INIP: variants seen among roughly 807,000 people sequenced by gnomAD.
The protein encoded by INIP is INTS3 and NABP interacting protein, also known as SOSS complex subunit C.
Under a neutral mutation model 14.0 loss-of-function variants are expected in INIP, and 9 were observed. That is an observed-to-expected ratio of 0.64 (90% CI 0.39 to 1.12). INIP has a LOEUF of 1.12. Ranked by LOEUF, INIP falls within the 50% of genes most tolerant of loss-of-function variation. The probability of loss-of-function intolerance (pLI) is 0.01; values close to 1 mark genes in which losing one functional copy is unlikely to be tolerated. For synonymous variants in INIP, 37 were observed against 41.5 expected (o/e 0.89, Z 0.41); for missense variants, 78 against 122.7 (o/e 0.64, Z 1.72).
chr9:112,717,541 G>A (rs78915790), intron 1 of INIP, among the ~76,000 whole-genome samples: 1 of 150,158 alleles, frequency 6.7e-6, no homozygotes, highest in Non-Finnish European at 1.5e-5. Context: ...AAAAAAAAAA[G>A]CTTAACAAAC....
chr9:112,687,668 T>TA, intron 4 of INIP, 35 bp from the exon 5 acceptor site: 1 of 1,246,980 alleles, frequency 8.0e-7, no homozygotes, highest in Non-Finnish European at 1.1e-6. Flanking sequence ...GCAATTAAGC[T>TA]ATTAAATAGA....
chr9:112,704,546 T>C (rs1344556194), intron 2 of INIP, among the ~76,000 whole-genome samples: 1 of 152,166 alleles, frequency 6.6e-6, no homozygotes, highest in Non-Finnish European at 1.5e-5. Flanking sequence ...GCAGGTAACA[T>C]TCAATTATAG....
intron 3 of INIP, among the ~76,000 whole-genome samples, chr9:112,692,986 GCCACT>G (rs1453130488): frequency 7.0e-6 from 1 of 143,830 alleles, no homozygotes; most frequent in African/African-American, 2.6e-5. Context: ...TTATGATTGT[GCCACT>G]CCACTCCACT....
At chr9:112,706,207 A>G (rs1170452179) in intron 2 of INIP, among the ~76,000 whole-genome samples, 1 of 152,228 alleles carries the variant, frequency 6.6e-6, no homozygotes, top group Non-Finnish European at 1.5e-5. Flanking sequence ...AATAACAAAC[A>G]TTGGCAAGGA....
intron 2 of INIP, among the ~76,000 whole-genome samples, chr9:112,713,662 C>T (rs1564243290): frequency 1.3e-5 from 2 of 151,654 alleles, no homozygotes; most frequent in South Asian, 2.1e-4. Context: ...CAGAGCCCAG[C>T]CTGAGCAACA....
Position 112,685,655 on chromosome 9 carries a change from T to C in INIP, c.*1883A>G, listed in dbSNP as rs786963. On this transcript the variant is annotated 3_prime_UTR_variant, in exon 5 of 5. Transcript: ENST00000374242. Reference sequence around the variant, plus strand: ...GAAAATATACTAATGTGTTATCTCCTTAGAGACAGATTTAGAACCATGTCA... The same window carrying C: ...GAAAATATACTAATGTGTTATCTCCCTAGAGACAGATTTAGAACCATGTCA... 33,004 of 152,102 alleles carry C rather than the reference T, an allele frequency of 0.22. 4,016 individuals carry two copies. The highest frequency in any genetic ancestry group is 0.32 in the African/African-American group (13,312 of 41,442). 9.4% of individuals were successfully genotyped at this position (152,102 alleles called of 1,614,324 possible).
chr9:112,712,096 G>A (rs576967882), intron 2 of INIP, among the ~76,000 whole-genome samples: 5 of 152,304 alleles, frequency 3.3e-5, no homozygotes, highest in African/African-American at 1.2e-4. Flanking sequence ...TGAGGTGTCA[G>A]AGGAGAACTC....
rs1837706621 is a variant in INIP at position 112,687,248 on chromosome 9, G to A, written c.*290C>T. 4.1e-6 allele frequency: 1 copy of A among 241,390 alleles called. No individual in the cohort carries two copies. The highest frequency in any genetic ancestry group is 8.0e-6 in the Non-Finnish European group (1 of 124,848). 15.0% of individuals were successfully genotyped at this position (241,390 alleles called of 1,614,324 possible). On this transcript the variant is annotated 3_prime_UTR_variant, in exon 5 of 5. Transcript: ENST00000374242. ...ATTCAGTCAAACTTGCTAGGAGTTG[G>A]GGAATGACTTCGTGACCATCCAGTT...
chr9:112,690,113 T>C (rs991477512), intron 3 of INIP, among the ~76,000 whole-genome samples: 7 of 152,152 alleles, frequency 4.6e-5, no homozygotes, highest in African/African-American at 1.7e-4. Context: ...GTCTGGAAAA[T>C]GTTATAAAAT....
intron 2 of INIP, among the ~76,000 whole-genome samples, chr9:112,697,040 C>G (rs532648021): frequency 1.3e-5 from 2 of 152,126 alleles, no homozygotes; most frequent in Admixed American, 6.5e-5. Flanking sequence ...CTCCTTTCCC[C>G]GGAGGTCAGT....
rs904847580 is a variant in INIP at position 112,686,405 on chromosome 9, C to T, written c.*1133G>A. On this transcript the variant is annotated 3_prime_UTR_variant, in exon 5 of 5. Coordinates refer to ENST00000374242, the MANE Select transcript of INIP (RefSeq NM_021218.3). ...TGGGACTGCATACTTAAATAAGCAC[C>T]CCAGATACTGCTAAAGATGGGTCAT... 2 of 152,080 alleles carry T rather than the reference C, an allele frequency of 1.3e-5. No individual in the cohort carries two copies. Among genetic ancestry groups the T allele is most frequent in the African/African-American group, 2.4e-5 (1 of 41,408 alleles). The allele number at this position is 152,080 out of a possible 1,614,324, so 9.4% of individuals were successfully genotyped here. A position where few individuals can be genotyped will look rare whatever the true frequency, so the allele number is the denominator to read the frequency against.
At chr9:112,694,805 G>T (rs185391906) in intron 2 of INIP, among the ~76,000 whole-genome samples, 1 of 152,264 alleles carries the variant, frequency 6.6e-6, no homozygotes, top group East Asian at 1.9e-4. Context: ...TGACCAGAAA[G>T]CAATTCTGAG....
At chr9:112,706,662 T>A (rs1216848627) in intron 2 of INIP, among the ~76,000 whole-genome samples, 1 of 152,230 alleles carries the variant, frequency 6.6e-6, no homozygotes, top group Non-Finnish European at 1.5e-5. Context: ...TGAGGGTTTC[T>A]TTTTAACCCA....
intron 1 of INIP, among the ~76,000 whole-genome samples, chr9:112,717,373 C>T (rs1344607785): frequency 6.6e-6 from 1 of 152,112 alleles, no homozygotes; most frequent in Non-Finnish European, 1.5e-5. Flanking sequence ...GAAACCGTAC[C>T]CAGGGTCATA....
intron 3 of INIP, among the ~76,000 whole-genome samples, chr9:112,690,385 G>C (rs1693411): frequency 0.098 from 14,883 of 152,042 alleles, 874 homozygotes; most frequent in African/African-American, 0.16. Flanking sequence ...TACGTGGGAG[G>C]CTGAGATGGG....
At chr9:112,713,471 T>C (rs1268829277) in intron 2 of INIP, among the ~76,000 whole-genome samples, 1 of 151,842 alleles carries the variant, frequency 6.6e-6, no homozygotes, top group African/African-American at 2.4e-5. Context: ...GGTGGGAGGA[T>C]TTCTTGAGGC....
At chr9:112,715,575 A>G (rs1838784799) in intron 2 of INIP, among the ~76,000 whole-genome samples, 1 of 152,162 alleles carries the variant, frequency 6.6e-6, no homozygotes, top group Non-Finnish European at 1.5e-5. Flanking sequence ...GGAGTTTGAG[A>G]CCAGCCTGAC....
chr9:112,711,339 A>C (rs1235462434), intron 2 of INIP, among the ~76,000 whole-genome samples: 2 of 152,170 alleles, frequency 1.3e-5, no homozygotes, highest in Admixed American at 1.3e-4. Context: ...CTGACAAAGG[A>C]GCAACGGAAG....
rs190563747 is a variant in INIP, at chr9:112,717,809, T to G, written c.-57+178A>C. ...CCAGAAAGGTCCCTGCCTACGGATG[T>G]GCAGAGCCGGCTGGGCCCGGGCTGT... On this transcript the variant is annotated intron_variant, in intron 1 of 4. Transcript: ENST00000374242. Among the ~76,000 whole-genome samples the G allele has an allele frequency of 2.5e-3, 386 of 152,190 alleles. 6 individuals are homozygous for G. Among genetic ancestry groups the G allele is most frequent in the African/African-American group, 9.0e-3 (372 of 41,540 alleles).
Sources: gnomAD v4.1 joint callset for allele counts (sites outside exome capture counted in the v4.1 genomes callset) on GRCh38, gnomAD v4.1.1 for gene constraint, MANE v1.5 for transcripts, NCBI Gene and HGNC (gene_info 2026-07-23, HGNC 2026-07-21) for gene names.